Variants in PDCD1LG2 observed in about 807,000 individuals in gnomAD.
The protein encoded by PDCD1LG2 is B7 dendritic cell molecule.
Under a neutral mutation model 28.2 loss-of-function variants are expected in PDCD1LG2, and 32 were observed. That is an observed-to-expected ratio of 1.13 (90% CI 0.86 to 1.52). The LOEUF is 1.52. PDCD1LG2 is among the 40% of genes most tolerant of loss of function. The pLI, the probability that PDCD1LG2 is intolerant of heterozygous loss-of-function variation, is 0.00. For missense variants in PDCD1LG2, 385 were observed against 323.8 expected, an observed-to-expected ratio of 1.19 and a Z score of -1.45; for synonymous variants, 116 against 120.2, an observed-to-expected ratio of 0.97 and a Z score of 0.23.
chr9:5,523,233 T>C (rs1018265203), intron 2 of PDCD1LG2, among the ~76,000 whole-genome samples: 5 of 152,166 alleles, frequency 3.3e-5, no homozygotes, highest in Non-Finnish European at 7.4e-5. Flanking sequence ...CACAGTTGGT[T>C]GTTCTCCTGG....
At chr9:5,523,141 A>C (rs1820308478) in intron 2 of PDCD1LG2, among the ~76,000 whole-genome samples, 1 of 152,224 alleles carries the variant, frequency 6.6e-6, no homozygotes, top group Admixed American at 6.5e-5. Context: ...CCAAATGAAC[A>C]ATGAACCTTA....
At chr9:5,536,775 A>G (rs775108379) in intron 3 of PDCD1LG2, among the ~76,000 whole-genome samples, 18 of 152,168 alleles carry the variant, frequency 1.2e-4, no homozygotes, top group Non-Finnish European at 2.4e-4. Context: ...GATTACAAAG[A>G]CTTTTCAAGG....
chr9:5,524,843 T>C (rs1820340627), intron 2 of PDCD1LG2, among the ~76,000 whole-genome samples: 1 of 152,164 alleles, frequency 6.6e-6, no homozygotes, highest in Admixed American at 6.5e-5. Context: ...TATAAAAATA[T>C]GAAAGTAATC....
chr9:5,550,151 A>T (rs746442457), intron 4 of PDCD1LG2, among the ~76,000 whole-genome samples: 20 of 152,344 alleles, frequency 1.3e-4, no homozygotes, highest in Non-Finnish European at 2.4e-4. Flanking sequence ...CAGCAGGATG[A>T]ATATTCCTTT....
chr9:5,525,334 G>C (rs1448266418), intron 2 of PDCD1LG2, among the ~76,000 whole-genome samples: 1 of 134,844 alleles, frequency 7.4e-6, no homozygotes, highest in Non-Finnish European at 1.5e-5. Flanking sequence ...GACAGAGTGA[G>C]ATTCCATTTA....
chr9:5,537,389 C>T (rs766609966), intron 3 of PDCD1LG2, among the ~76,000 whole-genome samples: 46 of 152,220 alleles, frequency 3.0e-4, no homozygotes, highest in Middle Eastern at 3.4e-3. Flanking sequence ...GGGACACATT[C>T]CCAATAAATT....
At chr9:5,514,340 C>T (rs1820115854) in intron 1 of PDCD1LG2, among the ~76,000 whole-genome samples, 1 of 152,138 alleles carries the variant, frequency 6.6e-6, no homozygotes, top group South Asian at 2.1e-4. Flanking sequence ...TTTCATCTAT[C>T]AGTTTGGAAA....
At chr9:5,566,942 A>G (rs1816678346) in intron 6 of PDCD1LG2, among the ~76,000 whole-genome samples, 1 of 152,242 alleles carries the variant, frequency 6.6e-6, no homozygotes, top group African/African-American at 2.4e-5. Context: ...AAGTAAAAAT[A>G]TGAAAATGCC....
At chr9:5,519,177 T>A (rs1820226630) in intron 1 of PDCD1LG2, among the ~76,000 whole-genome samples, 1 of 152,040 alleles carries the variant, frequency 6.6e-6, no homozygotes, top group Non-Finnish European at 1.5e-5. Flanking sequence ...CTGATATAAA[T>A]AATTTCAGCA....
chr9:5,549,126 T>C (rs1816270851), intron 3 of PDCD1LG2, among the ~76,000 whole-genome samples: 2 of 152,188 alleles, frequency 1.3e-5, no homozygotes, highest in Non-Finnish European at 2.9e-5. Context: ...ATATCAACAA[T>C]GCCATCTTTA....
intron 2 of PDCD1LG2, among the ~76,000 whole-genome samples, chr9:5,528,598 C>A (rs117102532): frequency 6.6e-6 from 1 of 151,910 alleles, no homozygotes; most frequent in Admixed American, 6.6e-5. Context: ...AGCCACTGCA[C>A]CTGGCCTTAG....
chr9:5,519,656 G>T (rs1820237124), intron 1 of PDCD1LG2, among the ~76,000 whole-genome samples: 2 of 152,112 alleles, frequency 1.3e-5, no homozygotes. Flanking sequence ...CTTCTGCATT[G>T]ATGACTCCTA....
chr9:5,533,663 G>A (rs187708308), intron 2 of PDCD1LG2, among the ~76,000 whole-genome samples: 1 of 152,164 alleles, frequency 6.6e-6, no homozygotes, highest in East Asian at 1.9e-4. Context: ...CTTTGATTCT[G>A]CCTCATCTAA....
rs189093882 is a variant in PDCD1LG2 at position 5,543,265 on chromosome 9, C to A, written c.362-6070C>A. Among the ~76,000 whole-genome samples the A allele has an allele frequency of 3.9e-5, 6 of 152,200 alleles. No individual in the cohort carries two copies. The East Asian group carries it at 9.7e-4, about 24-fold the overall frequency. On this transcript the variant is annotated intron_variant, in intron 3 of 6. Transcript: ENST00000397747. ...TAAAAAACTCCACATTTGGGCCAGG[C>A]GTGGTTGCTCACACCTGTAATCCCA...
chr9:5,524,412 TTGC>T (rs1820333045), intron 2 of PDCD1LG2, among the ~76,000 whole-genome samples: 1 of 152,254 alleles, frequency 6.6e-6, no homozygotes, highest in African/African-American at 2.4e-5. Context: ...ATGAATTATG[TTGC>T]TGAATTAACT....
At chr9:5,513,029 T>C (rs1820090582) in intron 1 of PDCD1LG2, among the ~76,000 whole-genome samples, 1 of 152,196 alleles carries the variant, frequency 6.6e-6, no homozygotes, top group Admixed American at 6.5e-5. Flanking sequence ...GACCCCCTAA[T>C]TGAGAGGCTG....
intron 3 of PDCD1LG2, among the ~76,000 whole-genome samples, chr9:5,548,986 T>C (rs1816267696): frequency 6.6e-6 from 1 of 152,220 alleles, no homozygotes; most frequent in Non-Finnish European, 1.5e-5. Flanking sequence ...TTGTGGTAGC[T>C]TGGACCACTG....
intron 2 of PDCD1LG2, among the ~76,000 whole-genome samples, chr9:5,532,752 AT>A (rs1297243794): frequency 2.6e-5 from 4 of 152,222 alleles, no homozygotes; most frequent in Non-Finnish European, 5.9e-5. Context: ...GAGGATAAAG[AT>A]TGGCCATGCA....
At chr9:5,559,997 T>C (rs1213022359) in intron 5 of PDCD1LG2, among the ~76,000 whole-genome samples, 2 of 152,196 alleles carry the variant, frequency 1.3e-5, no homozygotes, top group African/African-American at 4.8e-5. Flanking sequence ...TCCACCTGAG[T>C]TGGAGTCATC....
Sources: gnomAD v4.1 joint callset for allele counts (sites outside exome capture counted in the v4.1 genomes callset) on GRCh38, gnomAD v4.1.1 for gene constraint, MANE v1.5 for transcripts, NCBI Gene and HGNC (gene_info 2026-07-23, HGNC 2026-07-21) for gene names.